Variants in RTN4IP1 observed in about 807,000 individuals in gnomAD.
RTN4IP1 encodes NAD(P)H oxidoreductase RTN4IP1, mitochondrial.
In RTN4IP1, 32 loss-of-function variants were observed where a neutral mutation model predicts 46.6. The ratio of observed to expected loss-of-function variants is 0.69; its 90% CI spans 0.52 to 0.92. The LOEUF is 0.92. Ranked by LOEUF, RTN4IP1 falls within the 40% of genes least tolerant of loss-of-function variation. RTN4IP1 has a pLI of 0.00. For missense variants in RTN4IP1, 424 were observed against 485.8 expected, an observed-to-expected ratio of 0.87 and a Z score of 1.20; for synonymous variants, 167 against 161.8, an observed-to-expected ratio of 1.03 and a Z score of -0.24.
intron 8 of RTN4IP1, among the ~76,000 whole-genome samples, chr6:106,582,766 C>A (rs79996243): frequency 2.6e-5 from 4 of 152,010 alleles, no homozygotes; most frequent in African/African-American, 9.7e-5. Flanking sequence ...TTTTGACATC[C>A]AAAAAACGAT....
intron 6 of RTN4IP1, among the ~76,000 whole-genome samples, chr6:106,590,512 C>G (rs561637337): frequency 1.3e-5 from 2 of 151,616 alleles, no homozygotes; most frequent in East Asian, 3.9e-4. Context: ...GTCAGGAGTT[C>G]GAGACCAGCC....
At chr6:106,582,820 C>T (rs1439955910) in intron 8 of RTN4IP1, among the ~76,000 whole-genome samples, 4 of 152,246 alleles carry the variant, frequency 2.6e-5, no homozygotes, top group Admixed American at 2.6e-4. Context: ...GAGTCCACGG[C>T]AGGACAGACA....
At chr6:106,599,851 A>G (rs1331949060) in intron 5 of RTN4IP1, among the ~76,000 whole-genome samples, 1 of 144,012 alleles carries the variant, frequency 6.9e-6, no homozygotes, top group South Asian at 2.1e-4. Context: ...TTTTTTTTTT[A>G]GAAATTTTAC....
rs772149917 is a variant in RTN4IP1 at position 106,583,340 on chromosome 6, C to T, written c.1071G>A (p.Val357=). The T allele has an allele frequency of 1.2e-6, 2 of 1,613,448 alleles. No homozygotes were observed. Among genetic ancestry groups the T allele is most frequent in the East Asian group, 2.2e-5 (1 of 44,886 alleles). Residue 357 remains valine (V), a synonymous_variant, in exon 8 of 9, where the codon GTG becomes GTA. Transcript: ENST00000369063. The stretch of plus-strand genomic sequence containing the variant: ...CAGGTGCACGTACCTTTCCCGCATC[C>T]ACCAGTTCTGCAATGTCATCTAAAC... ...GPCLDDIAEL[V]DAGKIRPVIE...
intron 7 of RTN4IP1, among the ~76,000 whole-genome samples, chr6:106,584,512 C>T (rs1444336375): frequency 1.3e-5 from 2 of 152,182 alleles, no homozygotes; most frequent in Non-Finnish European, 2.9e-5. Flanking sequence ...GCAATGGAAA[C>T]CCCCTACAAC....
rs764016550 is a variant in RTN4IP1, at chr6:106,581,651, G to T, written c.1083+1677C>A. 2.8e-4 allele frequency among the ~76,000 whole-genome samples: 43 copies of T among 152,184 alleles called. 1 individual carries two copies. Among genetic ancestry groups the T allele is most frequent in the Admixed American group, 6.5e-5 (1 of 15,276 alleles). ...GCACATTTGCTCACTCAACCTCCTT[G>T]GAGAATACTTCAAGGACATCTTTTT... On this transcript the variant is annotated intron_variant, in intron 8 of 8. Transcript: ENST00000369063.
chr6:106,626,645 C>T (rs1426450413), intron 1 of RTN4IP1, among the ~76,000 whole-genome samples: 1 of 152,174 alleles, frequency 6.6e-6, no homozygotes, highest in Non-Finnish European at 1.5e-5. Flanking sequence ...CTCACTGTTA[C>T]TATCTAACAA....
In RTN4IP1 at chr6:106,583,196, T is replaced by C. The variant is rs565046793; in HGVS notation, c.1083+132A>G. ...AAGACATAGCATGTAAACTTGGCCA[T>C]GTAAGGCAGCACAAGGTCAGGTGAG... On this transcript the variant is annotated intron_variant, in intron 8 of 8. Transcript: ENST00000369063. 3.9e-4 allele frequency: 257 copies of C among 654,974 alleles called. 1 individual carries two copies. The highest frequency in any genetic ancestry group is 5.0e-4 in the Non-Finnish European group (187 of 371,340). 40.6% of individuals were successfully genotyped at this position (654,974 alleles called of 1,614,324 possible). A position where few individuals can be genotyped will look rare whatever the true frequency, so the allele number is the denominator to read the frequency against.
chr6:106,628,794 G>A lies in RTN4IP1; in HGVS notation c.228C>T (p.Val76=), dbSNP rs949826865. The A allele has an allele frequency of 6.2e-7, 1 of 1,613,878 alleles. No homozygotes were observed. Among genetic ancestry groups the A allele is most frequent in the Non-Finnish European group, 8.5e-7 (1 of 1,179,904 alleles). The change falls in exon 1 of 9, where the codon GTC becomes GTT. Residue 76 remains valine (V), a synonymous_variant. Transcript: ENST00000369063. ...PIIHYPNEVI[V]KVHAASVNPI... ...GATTTACACTGGCAGCGTGAACTTT[G>A]ACAATGACTTCATTTGGATAGTGTA... is the stretch of plus-strand genomic sequence containing the variant.
intron 5 of RTN4IP1, among the ~76,000 whole-genome samples, chr6:106,599,802 G>A (rs1413094472): frequency 6.7e-6 from 1 of 149,558 alleles, no homozygotes; most frequent in Non-Finnish European, 1.5e-5. Flanking sequence ...CTATCTATAG[G>A]TTATAATCCT....
intron 2 of RTN4IP1, among the ~76,000 whole-genome samples, chr6:106,622,199 T>C (rs1459920142): frequency 3.3e-5 from 5 of 152,192 alleles, no homozygotes; most frequent in Admixed American, 6.5e-5. Context: ...CAAAGCTCAG[T>C]ATATTTGTTG....
chr6:106,605,183 C>T (rs1353792612), intron 4 of RTN4IP1, among the ~76,000 whole-genome samples: 3 of 152,194 alleles, frequency 2.0e-5, no homozygotes, highest in African/African-American at 7.2e-5. Flanking sequence ...TGCCTGTAAT[C>T]CCAGCACATT....
intron 6 of RTN4IP1, among the ~76,000 whole-genome samples, chr6:106,588,488 G>A (rs931989497): frequency 6.6e-6 from 1 of 152,154 alleles, no homozygotes; most frequent in African/African-American, 2.4e-5. Flanking sequence ...AATGCAAAAG[G>A]AGAAATGAAC....
At chr6:106,624,943 AAAAAAAAAG>A (rs1256981714) in intron 1 of RTN4IP1, among the ~76,000 whole-genome samples, 49 of 137,730 alleles carry the variant, frequency 3.6e-4, no homozygotes, top group Non-Finnish European at 6.7e-4. Flanking sequence ...CTCAAAAAAA[AAAAAAAAAG>A]AAAAAGAAAA....
chr6:106,629,659 G>A (rs1217338216), upstream of RTN4IP1: 1 of 1,600,956 alleles, frequency 6.2e-7, no homozygotes, highest in South Asian at 1.1e-5. Flanking sequence ...GGCTCCTGTG[G>A]TGGCAGGCTG....
chr6:106,594,336 C>T (rs1239092432), intron 5 of RTN4IP1, among the ~76,000 whole-genome samples: 2 of 152,016 alleles, frequency 1.3e-5, no homozygotes, highest in Admixed American at 6.6e-5. Context: ...AGTGAAACCC[C>T]GTCTCTACTA....
At chr6:106,606,571 G>GGTGAAA (rs1776080766) in intron 4 of RTN4IP1, among the ~76,000 whole-genome samples, 1 of 151,942 alleles carries the variant, frequency 6.6e-6, no homozygotes. Context: ...TAACCAAGGA[G>GGTGAAA]GTGAAAGATT....
chr6:106,629,200 A>G lies in RTN4IP1; in HGVS notation c.-179T>C, dbSNP rs754533285. 1.6e-6 allele frequency: 1 copy of G among 611,544 alleles called. No homozygotes were observed. Among genetic ancestry groups the G allele is most frequent in the Non-Finnish European group, 2.9e-6 (1 of 349,820 alleles). 37.9% of individuals were successfully genotyped at this position (611,544 alleles called of 1,614,324 possible). On this transcript the variant is annotated 5_prime_UTR_variant, in exon 1 of 9. Transcript: ENST00000369063. ...GGAGAAACTGAAAGAAGAATACGGA[A>G]CTGTTATTCCGCTCTTCGCATATGA...
intron 4 of RTN4IP1, among the ~76,000 whole-genome samples, chr6:106,617,404 C>T (rs2035152): frequency 0.076 from 11,571 of 152,190 alleles, 1,112 homozygotes; most frequent in African/African-American, 0.21. Flanking sequence ...CAACTCAATA[C>T]AAGATATCAT....
Sources: gnomAD v4.1 joint callset for allele counts (sites outside exome capture counted in the v4.1 genomes callset) on GRCh38, gnomAD v4.1.1 for gene constraint, MANE v1.5 for transcripts, NCBI Gene and HGNC (gene_info 2026-07-23, HGNC 2026-07-21) for gene names.